The following NIM1K variants were observed in gnomAD, a reference collection of about 807,000 sequenced individuals.
NIM1K encodes serine/threonine-protein kinase NIM1.
NIM1K carries 35 observed loss-of-function variants against 37.1 expected under a neutral mutation model. That is an observed-to-expected ratio of 0.94 (90% CI 0.72 to 1.25). NIM1K has a LOEUF of 1.25. Among genes scored for constraint, NIM1K ranks in the 50% most tolerant of loss-of-function variants. NIM1K has a pLI of 0.00. For synonymous variants in NIM1K, 234 were observed against 206.6 expected, an observed-to-expected ratio of 1.13 and a Z score of -1.14; for missense variants, 564 against 548.0, an observed-to-expected ratio of 1.03 and a Z score of -0.29.
At chr5:43,222,193 C>T (rs529251649) in intron 1 of NIM1K, among the ~76,000 whole-genome samples, 12 of 152,308 alleles carry the variant, frequency 7.9e-5, no homozygotes, top group African/African-American at 2.9e-4. Context: ...GGATTGTCAG[C>T]TCCCTTTGTG....
chr5:43,275,963 C>T (rs944295016), intron 2 of NIM1K, among the ~76,000 whole-genome samples: 11 of 145,966 alleles, frequency 7.5e-5, no homozygotes, highest in East Asian at 6.0e-4. Flanking sequence ...AGCAGTGGTG[C>T]GATCTCGGCT....
At chr5:43,231,821 C>G in intron 1 of NIM1K, 1 of 1,226,678 alleles carries the variant, frequency 8.2e-7, no homozygotes, top group Non-Finnish European at 1.1e-6. Flanking sequence ...TTTAGTATTC[C>G]TCTCTTTCTT....
At chr5:43,268,007 C>T (rs966071641) in intron 2 of NIM1K, among the ~76,000 whole-genome samples, 8 of 152,244 alleles carry the variant, frequency 5.3e-5, no homozygotes, top group South Asian at 2.1e-4. Flanking sequence ...TCTTTGTTGA[C>T]TTTCTGCCTC....
chr5:43,270,066 C>A (rs1235226070), intron 2 of NIM1K, among the ~76,000 whole-genome samples: 1 of 152,174 alleles, frequency 6.6e-6, no homozygotes, highest in Non-Finnish European at 1.5e-5. Flanking sequence ...ATTCCTTCAT[C>A]ATTTGCTTGT....
At chr5:43,224,032 A>C (rs145268589) in intron 1 of NIM1K, among the ~76,000 whole-genome samples, 68 of 148,432 alleles carry the variant, frequency 4.6e-4, no homozygotes, top group African/African-American at 1.6e-3. Flanking sequence ...AGAAAGGTTG[A>C]ATACATTATT....
chr5:43,232,197 T>G, intron 1 of NIM1K: 1 of 993,722 alleles, frequency 1.0e-6, no homozygotes, highest in Non-Finnish European at 1.6e-6. Flanking sequence ...TTGACGTCTT[T>G]GAGAACCATG....
At chr5:43,268,315 T>C (rs1022699140) in intron 2 of NIM1K, among the ~76,000 whole-genome samples, 2 of 152,256 alleles carry the variant, frequency 1.3e-5, no homozygotes, top group African/African-American at 4.8e-5. Context: ...GTGGTCAAAC[T>C]AGGATGGAGA....
At chr5:43,236,838 G>A (rs114075653) in intron 1 of NIM1K, among the ~76,000 whole-genome samples, 1 of 152,216 alleles carries the variant, frequency 6.6e-6, no homozygotes, top group South Asian at 2.1e-4. Flanking sequence ...TAGGGGAGAG[G>A]TGGTGTCACA....
intron 2 of NIM1K, among the ~76,000 whole-genome samples, chr5:43,258,634 G>T (rs968990558): frequency 6.6e-6 from 1 of 151,912 alleles, no homozygotes; most frequent in South Asian, 2.1e-4. Context: ...GTAGATATGG[G>T]GTCCTGCTAT....
At chr5:43,199,818 G>T (rs1751991979) in intron 1 of NIM1K, among the ~76,000 whole-genome samples, 2 of 152,198 alleles carry the variant, frequency 1.3e-5, no homozygotes, top group African/African-American at 4.8e-5. Flanking sequence ...TATTGATAGG[G>T]TGGCCATATG....
At chr5:43,215,729 T>C (rs1752290223) in intron 1 of NIM1K, among the ~76,000 whole-genome samples, 2 of 152,190 alleles carry the variant, frequency 1.3e-5, no homozygotes, top group African/African-American at 4.8e-5. Flanking sequence ...CCACCATGCC[T>C]GGTCCCATCT....
Position 43,201,124 on chromosome 5 carries a change from C to CAA in NIM1K, c.-695+8730_-695+8731dup, listed in dbSNP as rs540562771. On this transcript the variant is annotated intron_variant, in intron 1 of 3. Coordinates refer to ENST00000326035, the MANE Select transcript of NIM1K (RefSeq NM_153361.4). ...TGGGCAACAGAGCCAGACAACATCT[C>CAA]AAAAAAAAAAAAAAAAAATTCATGC... 0.015 allele frequency among the ~76,000 whole-genome samples: 1,263 copies of CAA among 83,220 alleles called. 77 individuals carry two copies. In the East Asian group the frequency reaches 0.24, roughly 16 times the overall value. The allele number at this position is 83,220 out of a possible 152,430, so 54.6% of individuals were successfully genotyped here.
In NIM1K at chr5:43,245,991, C is replaced by T; in HGVS notation, c.216C>T (p.Gly72=). 1.2e-6 allele frequency: 2 copies of T among 1,614,102 alleles called. No homozygotes were observed. Among genetic ancestry groups the T allele is most frequent in the African/African-American group, 2.7e-5 (2 of 75,056 alleles). ...VREITLGKRI[G]FYRIRGEIGS... ...AGATCACGCTGGGGAAACGGATAGG[C>T]TTCTACCGAATTCGAGGGGAAATCG... The change falls in exon 2 of 4, where the codon GGC becomes GGT. Residue 72 remains glycine, a synonymous_variant. Coordinates refer to ENST00000326035, the MANE Select transcript of NIM1K (RefSeq NM_153361.4).
chr5:43,203,251 G>A (rs1345954069), intron 1 of NIM1K, among the ~76,000 whole-genome samples: 3 of 152,168 alleles, frequency 2.0e-5, no homozygotes, highest in Non-Finnish European at 4.4e-5. Flanking sequence ...TATCTATAGT[G>A]TTAAATCAAG....
intron 3 of NIM1K, among the ~76,000 whole-genome samples, chr5:43,278,149 G>C (rs1241561022): frequency 6.6e-6 from 1 of 151,222 alleles, no homozygotes; most frequent in Non-Finnish European, 1.5e-5. Flanking sequence ...GGGTTCAAGC[G>C]ATTCTCCTGC....
At chr5:43,226,391 A>T (rs1752457140) in intron 1 of NIM1K, among the ~76,000 whole-genome samples, 1 of 152,160 alleles carries the variant, frequency 6.6e-6, no homozygotes, top group Non-Finnish European at 1.5e-5. Context: ...ATGGTAAATG[A>T]CTGTGTTCTG....
chr5:43,249,993 C>A (rs1227677520), intron 2 of NIM1K, among the ~76,000 whole-genome samples: 1 of 151,440 alleles, frequency 6.6e-6, no homozygotes, highest in Non-Finnish European at 1.5e-5. Context: ...GCTGGGACTA[C>A]AGACACCCAC....
At chr5:43,218,133 C>T (rs1752329628) in intron 1 of NIM1K, among the ~76,000 whole-genome samples, 1 of 152,090 alleles carries the variant, frequency 6.6e-6, no homozygotes, top group Non-Finnish European at 1.5e-5. Flanking sequence ...GTCTCAGCCT[C>T]CTGAGTAGCT....
At chr5:43,249,191 T>A (rs899526667) in intron 2 of NIM1K, among the ~76,000 whole-genome samples, 2 of 151,916 alleles carry the variant, frequency 1.3e-5, no homozygotes, top group Admixed American at 1.3e-4. Flanking sequence ...TGCCTCAGCT[T>A]CCCGAGTAGC....
Sources: allele counts gnomAD v4.1 joint callset (sites outside exome capture counted in the v4.1 genomes callset), GRCh38; gene constraint gnomAD v4.1.1; transcripts MANE v1.5; gene names NCBI Gene and HGNC (gene_info 2026-07-23, HGNC 2026-07-21).